The following RALYL variants were observed in gnomAD, a reference collection of about 807,000 sequenced individuals.
RALYL encodes RALY RNA binding protein like.
A neutral mutation model predicts 35.1 loss-of-function variants in RALYL; 29 were observed. The ratio of observed to expected loss-of-function variants is 0.83; its 90% CI spans 0.61 to 1.13. The LOEUF (loss-of-function observed/expected upper bound fraction) is 1.13, where lower values mean the gene tolerates loss of function less well. RALYL is among the 50% of genes most tolerant of loss of function. The pLI is 0.00. For synonymous variants in RALYL, 120 were observed against 127.6 expected (o/e 0.94, Z 0.40); for missense variants, 359 against 360.4 (o/e 1.00, Z 0.03).
intron 2 of RALYL, among the ~76,000 whole-genome samples, chr8:84,692,058 T>G (rs997127615): frequency 1.3e-5 from 2 of 151,824 alleles, no homozygotes; most frequent in East Asian, 1.9e-4. Context: ...CTTTGGAAAA[T>G]CAAAATAGAA....
chr8:84,895,378 G>T (rs1844574971), intron 8 of RALYL, among the ~76,000 whole-genome samples: 1 of 150,852 alleles, frequency 6.6e-6, no homozygotes, highest in South Asian at 2.1e-4. Flanking sequence ...GAAAGACTTT[G>T]TTAAGTCTTT....
intron 1 of RALYL, among the ~76,000 whole-genome samples, chr8:84,196,292 AG>A (rs1279575550): frequency 3.3e-5 from 5 of 152,202 alleles, no homozygotes; most frequent in Non-Finnish European, 7.3e-5. Context: ...GAGGGGAGAA[AG>A]GAAATGGAAG....
intron 2 of RALYL, among the ~76,000 whole-genome samples, chr8:84,645,455 T>C (rs1434922060): frequency 1.3e-5 from 2 of 152,038 alleles, no homozygotes; most frequent in Non-Finnish European, 2.9e-5. Flanking sequence ...TTAATTGGTA[T>C]CTTTCAAATC....
intron 1 of RALYL, among the ~76,000 whole-genome samples, chr8:84,262,151 G>A (rs969390168): frequency 2.0e-5 from 3 of 152,092 alleles, no homozygotes; most frequent in Non-Finnish European, 2.9e-5. Context: ...TTTTTGATAT[G>A]TTTTCTGTTG....
intron 2 of RALYL, among the ~76,000 whole-genome samples, chr8:84,749,639 G>C (rs1007443516): frequency 1.3e-5 from 2 of 152,192 alleles, no homozygotes; most frequent in Non-Finnish European, 2.9e-5. Flanking sequence ...AAATTAGTAA[G>C]AGAAAGAATG....
intron 1 of RALYL, among the ~76,000 whole-genome samples, chr8:84,328,650 C>A (rs1846264426): frequency 6.6e-6 from 1 of 152,040 alleles, no homozygotes; most frequent in South Asian, 2.1e-4. Flanking sequence ...GGTACATGTG[C>A]TGGTTTATTA....
In RALYL at chr8:84,433,242, T is replaced by A. The variant is rs561090920; in HGVS notation, c.-23-96057T>A. On this transcript the variant is annotated intron_variant, in intron 1 of 8. Transcript: ENST00000521268. Reference sequence around the variant, plus strand: ...CTTGACATGGAAGTTTCTTTCCACCTCAGCCAGTAGCACATTCACTCCAAA... The same window carrying A: ...CTTGACATGGAAGTTTCTTTCCACCACAGCCAGTAGCACATTCACTCCAAA... Among the ~76,000 whole-genome samples, 28 of 152,272 alleles carry A rather than the reference T, an allele frequency of 1.8e-4. 1 individual carries two copies. The highest frequency in any genetic ancestry group is 5.8e-4 in the African/African-American group (24 of 41,564).
At chr8:84,860,766 A>G (rs1400303500) in intron 5 of RALYL, among the ~76,000 whole-genome samples, 1 of 152,044 alleles carries the variant, frequency 6.6e-6, no homozygotes, top group African/African-American at 2.4e-5. Context: ...TCCTTTCCAG[A>G]TATCTCTTAG....
At chr8:84,490,227 G>A (rs979444349) in intron 1 of RALYL, among the ~76,000 whole-genome samples, 1 of 151,696 alleles carries the variant, frequency 6.6e-6, no homozygotes, top group East Asian at 1.9e-4. Flanking sequence ...ATCTCACCCT[G>A]CCCATTAAAA....
intron 1 of RALYL, among the ~76,000 whole-genome samples, chr8:84,448,214 T>A (rs147213415): frequency 6.6e-6 from 1 of 152,078 alleles, no homozygotes; most frequent in Non-Finnish European, 1.5e-5. Flanking sequence ...ACATACCTAG[T>A]GTCATATCCT....
rs1268378391 is a variant in RALYL at position 84,296,904 on chromosome 8, T to A, written c.-24+112480T>A. Among the ~76,000 whole-genome samples, 5 of 151,978 alleles carry A rather than the reference T, an allele frequency of 3.3e-5. No individual in the cohort carries two copies. In the South Asian group the frequency reaches 6.2e-4, roughly 19 times the overall value. Reference sequence around the variant, plus strand: ...AGTCTTAGAAATATTGGCATTTTTTTAATGAGGTAAATGTACGTATGAGAG... The same window carrying A: ...AGTCTTAGAAATATTGGCATTTTTTAAATGAGGTAAATGTACGTATGAGAG... On this transcript the variant is annotated intron_variant, in intron 1 of 8. Coordinates refer to ENST00000521268, the MANE Select transcript of RALYL (RefSeq NM_173848.7).
intron 1 of RALYL, among the ~76,000 whole-genome samples, chr8:84,235,554 G>T (rs1452621461): frequency 6.6e-6 from 1 of 152,132 alleles, no homozygotes; most frequent in Non-Finnish European, 1.5e-5. Flanking sequence ...AGATTTTGAT[G>T]TGTAAGTTAT....
intron 1 of RALYL, among the ~76,000 whole-genome samples, chr8:84,431,081 G>T (rs2047089214): frequency 6.6e-6 from 1 of 152,198 alleles, no homozygotes; most frequent in East Asian, 1.9e-4. Flanking sequence ...ATGTAGGAAT[G>T]TAATAATGGT....
chr8:84,596,296 A>G (rs902083207), intron 2 of RALYL, among the ~76,000 whole-genome samples: 2 of 152,034 alleles, frequency 1.3e-5, no homozygotes, highest in Non-Finnish European at 2.9e-5. Context: ...CAGTTGGTCC[A>G]TATTTTAGCT....
chr8:84,887,365 G>T (rs190706164), intron 7 of RALYL, among the ~76,000 whole-genome samples: 2 of 152,166 alleles, frequency 1.3e-5, no homozygotes, highest in African/African-American at 4.8e-5. Context: ...CTACCATCTG[G>T]ATTCCCTAAT....
chr8:84,641,800 A>C (rs1434153817), intron 2 of RALYL, among the ~76,000 whole-genome samples: 4 of 151,308 alleles, frequency 2.6e-5, no homozygotes, highest in Non-Finnish European at 5.9e-5. Flanking sequence ...AAAAAAAAAA[A>C]AAAAAAAACT....
chr8:84,252,077 G>A (rs1830303910), intron 1 of RALYL, among the ~76,000 whole-genome samples: 1 of 151,802 alleles, frequency 6.6e-6, no homozygotes. Context: ...TGTTTCACAG[G>A]TTTTGTTGAT....
chr8:84,477,380 G>A (rs1000896767), intron 1 of RALYL, among the ~76,000 whole-genome samples: 4 of 149,494 alleles, frequency 2.7e-5, no homozygotes, highest in Non-Finnish European at 5.9e-5. Context: ...TTAATATAAT[G>A]TACATATAAA....
chr8:84,261,373 C>G (rs1832273196), intron 1 of RALYL, among the ~76,000 whole-genome samples: 1 of 152,148 alleles, frequency 6.6e-6, no homozygotes, highest in Admixed American at 6.5e-5. Flanking sequence ...GGGGCGGTTT[C>G]TCCCATCCTT....
Sources: gnomAD v4.1 joint callset for allele counts (sites outside exome capture counted in the v4.1 genomes callset) on GRCh38, gnomAD v4.1.1 for gene constraint, MANE v1.5 for transcripts, NCBI Gene and HGNC (gene_info 2026-07-23, HGNC 2026-07-21) for gene names.